PRC1: variants seen among roughly 807,000 people sequenced by gnomAD.
PRC1 encodes the protein anaphase spindle elongation 1 homolog.
A neutral mutation model predicts 91.2 loss-of-function variants in PRC1; 54 were observed. The observed-to-expected ratio is 0.59, with a 90% confidence interval of 0.48 to 0.74. The LOEUF is 0.74. PRC1 is among the 30% of genes least tolerant of loss of function. The pLI is 0.00. For missense variants in PRC1, 727 were observed against 746.2 expected (o/e 0.97, Z 0.30); for synonymous variants, 275 against 263.6 (o/e 1.04, Z -0.42).
rs539418894 is a variant in PRC1, at chr15:90,977,482, T to C, written c.1108-711A>G. Reference sequence around the variant, plus strand: ...ATACTGCTTGATTGGTGACAGCCAATAGTTACTAGAGAGGATGGTAGGTAA... The same window carrying C: ...ATACTGCTTGATTGGTGACAGCCAACAGTTACTAGAGAGGATGGTAGGTAA... On this transcript the variant is annotated intron_variant, in intron 8 of 14. Transcript: ENST00000394249. 1.3e-4 allele frequency among the ~76,000 whole-genome samples: 20 copies of C among 152,188 alleles called. No individual in the cohort carries two copies. In the South Asian group the frequency reaches 4.2e-3, roughly 32 times the overall value.
chr15:90,984,075 G>GGATA lies in PRC1; in HGVS notation c.206_209dup (p.Val71IlefsTer17). 1 of 1,614,034 alleles carries GGATA rather than the reference G, an allele frequency of 6.2e-7. No homozygotes were observed. The highest frequency in any genetic ancestry group is 8.5e-7 in the Non-Finnish European group (1 of 1,180,018). ...GAGTGTTCAGCTCTTTCTGACAGACGGATATGCTTTTGATGAGTCTTTCCT... is the reference window on the plus strand; with the variant it reads ...GAGTGTTCAGCTCTTTCTGACAGACGGATAGATATGCTTTTGATGAGTCTTTCCT... On this transcript the variant is annotated frameshift_variant, in exon 3 of 15. Transcript: ENST00000394249. LOFTEE classifies it high-confidence loss of function. The surrounding 1 kb of genome is among the most constrained non-coding windows in gnomAD (Gnocchi z 5.1).
chr15:90,968,049 A>G (rs1249252618), intron 14 of PRC1: 3 of 985,320 alleles, frequency 3.0e-6, no homozygotes, highest in Non-Finnish European at 3.6e-6. Context: ...GACAGATATT[A>G]GCAGAGGTTA....
intron 1 of PRC1, among the ~76,000 whole-genome samples, chr15:90,991,136 G>A (rs1184389919): frequency 1.3e-5 from 2 of 151,700 alleles, no homozygotes; most frequent in East Asian, 1.9e-4. Flanking sequence ...TTTTTACTAT[G>A]GCCGGGCGCG....
chr15:90,986,212 C>T (rs2039563086), intron 1 of PRC1, among the ~76,000 whole-genome samples: 1 of 152,110 alleles, frequency 6.6e-6, no homozygotes. Flanking sequence ...ATACGTTCAC[C>T]AAAGACATAT....
At chr15:90,987,109 T>TAAAAA (rs34262021) in intron 1 of PRC1, among the ~76,000 whole-genome samples, 3 of 125,024 alleles carry the variant, frequency 2.4e-5, no homozygotes, top group African/African-American at 9.1e-5. Context: ...CTCTGCGTCT[T>TAAAAA]AAAAAAAAAA....
Position 90,994,489 on chromosome 15 carries a change from C to A in PRC1, c.-72G>T, listed in dbSNP as rs924196910. ...CACGGCCCCGAGAGCAACAACCACC[C>A]GCAAACACCGGCGATGTCACTCCGC... On this transcript the variant is annotated 5_prime_UTR_variant, in exon 1 of 15. Coordinates refer to ENST00000394249, the MANE Select transcript of PRC1 (RefSeq NM_003981.4). The A allele has an allele frequency of 8.4e-6, 13 of 1,548,326 alleles. No individual in the cohort carries two copies. Among genetic ancestry groups the A allele is most frequent in the Non-Finnish European group, 1.1e-5 (13 of 1,142,762 alleles).
chr15:90,987,671 T>A (rs1425205722), intron 1 of PRC1: 1 of 152,218 alleles, frequency 6.6e-6, no homozygotes, highest in Non-Finnish European at 1.5e-5. Context: ...CCAGAGAAAC[T>A]ACAATCTAGA....
Position 90,974,259 on chromosome 15 carries a change from C to A in PRC1, c.1351-13G>T. On this transcript the variant is annotated splice_polypyrimidine_tract_variant and intron_variant, in intron 10 of 14. Transcript: ENST00000394249. This position sits in a 1 kb window ranked among gnomAD's most constrained non-coding sequence, Gnocchi z 4.6. The stretch of plus-strand genomic sequence containing the variant: ...TGTTCTTCAGTTGCTGTGTGAAAGT[C>A]AGAAGCAACAGTGATAAATCTCAGG... 1 of 1,594,884 alleles carries A rather than the reference C, an allele frequency of 6.3e-7. No homozygotes were observed. The highest frequency in any genetic ancestry group is 1.1e-5 in the South Asian group (1 of 90,642).
rs2038411574 is a variant in PRC1, at chr15:90,973,866, C to A, written c.1461+270G>T. 4 of 318,262 alleles carry A rather than the reference C, an allele frequency of 1.3e-5. No homozygotes were observed. In the South Asian group the frequency reaches 1.6e-4, roughly 13 times the overall value. The allele number at this position is 318,262 out of a possible 1,614,324, so 19.7% of individuals were successfully genotyped here. ...TCACCCTGTCCTCCTGCCGCATTCC[C>A]CTTGCCAAGATAGTGAAAATAGTAA... On this transcript the variant is annotated intron_variant, in intron 11 of 14. Coordinates refer to ENST00000394249, the MANE Select transcript of PRC1 (RefSeq NM_003981.4).
Position 90,984,941 on chromosome 15 carries a change from T to C in PRC1, c.12-116A>G, listed in dbSNP as rs2039474642. On this transcript the variant is annotated intron_variant, in intron 1 of 14. Transcript: ENST00000394249. This position sits in a 1 kb window ranked among gnomAD's most constrained non-coding sequence, Gnocchi z 5.1. ...TCAGTGGCCTCGAGAAAAAAACAAA[T>C]TGAAAACAAGCATTCAGCTTAATTC... 7.5e-6 allele frequency: 10 copies of C among 1,327,434 alleles called. No individual in the cohort carries two copies. The highest frequency in any genetic ancestry group is 2.3e-5 in the East Asian group (1 of 42,918). 82.2% of individuals were successfully genotyped at this position (1,327,434 alleles called of 1,614,324 possible).
chr15:90,987,726 TA>T (rs992341119), intron 1 of PRC1: 1 of 152,200 alleles, frequency 6.6e-6, no homozygotes, highest in African/African-American at 2.4e-5. Context: ...GCAAATCACC[TA>T]AACACTTAAG....
intron 3 of PRC1, 121 bp from the exon 4 acceptor site, chr15:90,982,102 CAT>C: frequency 1.1e-6 from 1 of 897,296 alleles, no homozygotes; most frequent in Non-Finnish European, 1.7e-6. Context: ...TAAGTCAACT[CAT>C]GGTCAACAGA....
intron 9 of PRC1, 56 bp downstream of exon 9, chr15:90,976,620 C>CA: frequency 3.7e-6 from 5 of 1,357,542 alleles, no homozygotes; most frequent in Non-Finnish European, 5.2e-6. Context: ...AAAAGACATA[C>CA]AAATAGTGAG....
Position 90,984,741 on chromosome 15 carries a change from T to C in PRC1, c.96A>G (p.Pro32=). ...CAGTTCTTTGTAACCGCTGGTCCTC[T>C]GGAATCCCAATTAGCTCCCATATTT... The part of the protein sequence containing the change: ...LREIWELIGI[P]EDQRLQRTEV... Residue 32 remains proline (P), a synonymous_variant, in exon 2 of 15, where the codon CCA becomes CCG. Coordinates refer to ENST00000394249, the MANE Select transcript of PRC1 (RefSeq NM_003981.4). This position sits in a 1 kb window ranked among gnomAD's most constrained non-coding sequence, Gnocchi z 5.1. 1 of 1,614,214 alleles carries C rather than the reference T, an allele frequency of 6.2e-7. No individual in the cohort carries two copies. Among genetic ancestry groups the C allele is most frequent in the Non-Finnish European group, 8.5e-7 (1 of 1,180,024 alleles).
In PRC1 at chr15:90,984,870, C is replaced by T. The variant is rs767735882; in HGVS notation, c.12-45G>A. On this transcript the variant is annotated intron_variant, in intron 1 of 14. Transcript: ENST00000394249. The surrounding 1 kb of genome is among the most constrained non-coding windows in gnomAD (Gnocchi z 5.1). ...GCCTGTTAGTTACATCAGTCACAGC[C>T]TCTGGACTAAAAGCACTATTTTCGA... 3.7e-6 allele frequency: 6 copies of T among 1,603,270 alleles called. No homozygotes were observed. The highest frequency in any genetic ancestry group is 5.1e-6 in the Non-Finnish European group (6 of 1,175,966).
At position 90,970,486 on chromosome 15, in the gene PRC1, G is replaced by T. The variant is rs777459882; in HGVS notation, c.1490C>A (p.Thr497Lys). The stretch of plus-strand genomic sequence containing the variant: ...GATAGGCCGAATGCTACTATTGGCC[G>T]TAGCATTGGACATGGTGGTAGTGTT... Reference protein sequence around the residue: ...KLNTTTMSNATANSSIRPIFG... With the variant: ...KLNTTTMSNAKANSSIRPIFG... Residue 497 changes from threonine to lysine, a missense_variant, in exon 12 of 15, where the codon ACG becomes AAG. Thr to Lys is a moderately conservative substitution (Grantham distance 78). Coordinates refer to ENST00000394249, the MANE Select transcript of PRC1 (RefSeq NM_003981.4). The T allele has an allele frequency of 1.7e-5, 27 of 1,613,390 alleles. No individual in the cohort carries two copies. The highest frequency in any genetic ancestry group is 2.1e-5 in the Non-Finnish European group (25 of 1,179,482).
At chr15:90,985,519 C>T (rs1322432357) in intron 1 of PRC1, among the ~76,000 whole-genome samples, 2 of 151,250 alleles carry the variant, frequency 1.3e-5, no homozygotes, top group Non-Finnish European at 2.9e-5. Context: ...ATGTGAGCCA[C>T]TGTGCCTTGC....
At chr15:90,986,566 G>T (rs575894685) in intron 1 of PRC1, among the ~76,000 whole-genome samples, 1 of 152,172 alleles carries the variant, frequency 6.6e-6, no homozygotes, top group South Asian at 2.1e-4. Flanking sequence ...GGTTTGCAGT[G>T]AGCCAAGGTT....
chr15:90,966,450 C>G lies in PRC1; in HGVS notation c.*681G>C, dbSNP rs2037495418. On this transcript the variant is annotated 3_prime_UTR_variant, in exon 15 of 15. Transcript: ENST00000394249. ...GGCACAGGAATGGGGGAGATGAGAG[C>G]CAAGGGACAAACGCCGAGAAAGCGT... 2.6e-5 allele frequency: 10 copies of G among 385,918 alleles called. No individual in the cohort carries two copies. The highest frequency in any genetic ancestry group is 1.9e-4 in the South Asian group (10 of 52,858). The allele number at this position is 385,918 out of a possible 1,614,324, so 23.9% of individuals were successfully genotyped here. A position where few individuals can be genotyped will look rare whatever the true frequency, so the allele number is the denominator to read the frequency against.
Sources: gnomAD v4.1 joint callset for allele counts (sites outside exome capture counted in the v4.1 genomes callset) on GRCh38, gnomAD v4.1.1 for gene constraint, Gnocchi (gnomAD v3.1) non-coding constraint, MANE v1.5 for transcripts, NCBI Gene and HGNC (gene_info 2026-07-23, HGNC 2026-07-21) for gene names.